KCNU1: variants seen among roughly 807,000 people sequenced by gnomAD.
KCNU1 encodes potassium channel subfamily U member 1.
KCNU1 carries 93 observed loss-of-function variants against 126.8 expected under a neutral mutation model. The observed-to-expected ratio is 0.73, with a 90% CI of 0.62 to 0.87. The LOEUF (loss-of-function observed/expected upper bound fraction) is 0.87, where lower values mean the gene tolerates loss of function less well. Among genes scored for constraint, KCNU1 ranks in the 40% least tolerant of loss-of-function variants. KCNU1 has a pLI of 0.00. For missense variants in KCNU1, 1,330 were observed against 1,367.1 expected (o/e 0.97, Z 0.43); for synonymous variants, 523 against 494.2 (o/e 1.06, Z -0.77).
At position 36,845,661 on chromosome 8, in the gene KCNU1, C is replaced by T. The variant is rs1176609002; in HGVS notation, c.1785C>T (p.Asp595=). The T allele has an allele frequency of 1.8e-5, 28 of 1,598,644 alleles. No homozygotes were observed. The highest frequency in any genetic ancestry group is 1.0e-4 in the Admixed American group (6 of 59,962). The part of the protein sequence containing the change: ...LGFFIAETPK[D]VRRALFYCSV... ...TCTTTATTGCTGAAACTCCAAAGGA[C>T]GTCAGAAGGTAATTTTATTATTTTA... The change falls in exon 17 of 27, where the codon GAC becomes GAT. Residue 595 remains aspartate (D), a synonymous_variant. Transcript: ENST00000399881.
intron 19 of KCNU1, among the ~76,000 whole-genome samples, chr8:36,896,967 A>G (rs1442181322): frequency 6.6e-6 from 1 of 152,054 alleles, no homozygotes; most frequent in Non-Finnish European, 1.5e-5. Context: ...ACAATTTTTC[A>G]TCTTCCATTT....
At chr8:36,820,949 A>G (rs889122682) in intron 10 of KCNU1, among the ~76,000 whole-genome samples, 2 of 152,332 alleles carry the variant, frequency 1.3e-5, no homozygotes, top group South Asian at 2.1e-4. Context: ...GCAAGGAATC[A>G]TGGATCTGAC....
chr8:36,799,510 G>C lies in KCNU1; in HGVS notation c.316-4517G>C, dbSNP rs187668407. Among the ~76,000 whole-genome samples the C allele has an allele frequency of 4.0e-3, 600 of 150,108 alleles. 6 individuals carry two copies. Among genetic ancestry groups the C allele is most frequent in the African/African-American group, 0.014 (566 of 40,986 alleles). On this transcript the variant is annotated intron_variant, in intron 2 of 26. Transcript: ENST00000399881. ...TTATCCTTTTAGAATGCCCATTATAGTTGTTTCCCTTGCATTTAACCTCCC... is the reference window on the plus strand; with the variant it reads ...TTATCCTTTTAGAATGCCCATTATACTTGTTTCCCTTGCATTTAACCTCCC...
chr8:36,884,118 CTT>C (rs1489720920), intron 19 of KCNU1, among the ~76,000 whole-genome samples: 3 of 152,096 alleles, frequency 2.0e-5, no homozygotes, highest in African/African-American at 7.2e-5. Flanking sequence ...CATAAAATAA[CTT>C]AATCATTTTC....
chr8:36,919,428 C>A (rs373344963), intron 23 of KCNU1, among the ~76,000 whole-genome samples: 443 of 109,172 alleles, frequency 4.1e-3, no homozygotes, highest in Non-Finnish European at 4.1e-3. Context: ...CTAAAATAGG[C>A]AAAAAAAAAA....
chr8:36,931,859 T>A (rs1267269941), intron 25 of KCNU1, among the ~76,000 whole-genome samples: 1 of 152,076 alleles, frequency 6.6e-6, no homozygotes, highest in East Asian at 1.9e-4. Flanking sequence ...CAGCAAGGGA[T>A]AAGATAATAA....
chr8:36,852,087 G>C (rs777128863), intron 18 of KCNU1, among the ~76,000 whole-genome samples: 3 of 152,034 alleles, frequency 2.0e-5, no homozygotes, highest in Non-Finnish European at 4.4e-5. Flanking sequence ...TCTCATGAAT[G>C]GCTTTGATGT....
chr8:36,785,475 A>G (rs753572981), intron 1 of KCNU1, among the ~76,000 whole-genome samples: 60 of 152,252 alleles, frequency 3.9e-4, no homozygotes, highest in Non-Finnish European at 7.2e-4. Flanking sequence ...TAAAACCTAC[A>G]TAAAATATAA....
chr8:36,845,231 G>A (rs761561535), intron 16 of KCNU1, among the ~76,000 whole-genome samples: 10 of 151,824 alleles, frequency 6.6e-5, no homozygotes, highest in African/African-American at 2.2e-4. Context: ...GTGTGGTCTC[G>A]GCATATTTGT....
intron 26 of KCNU1, among the ~76,000 whole-genome samples, chr8:36,933,927 G>T (rs1808778144): frequency 1.3e-5 from 2 of 152,100 alleles, no homozygotes; most frequent in African/African-American, 4.8e-5. Flanking sequence ...CAGGAGTTGA[G>T]AAAGGAGTCA....
chr8:36,829,065 C>T (rs991962770), intron 10 of KCNU1, among the ~76,000 whole-genome samples: 4 of 152,004 alleles, frequency 2.6e-5, no homozygotes, highest in Non-Finnish European at 5.9e-5. Context: ...TTTCTCTTTC[C>T]GTGACATACT....
intron 19 of KCNU1, among the ~76,000 whole-genome samples, chr8:36,891,286 A>G (rs1480604644): frequency 6.6e-6 from 1 of 152,012 alleles, no homozygotes; most frequent in Non-Finnish European, 1.5e-5. Flanking sequence ...TATTTTCACT[A>G]GTACATAACT....
chr8:36,814,494 ATG>A, intron 8 of KCNU1, 117 bp downstream of exon 8: 1 of 728,324 alleles, frequency 1.4e-6, no homozygotes, highest in Non-Finnish European at 2.3e-6. Flanking sequence ...CTTGGGGCAC[ATG>A]TCAAGGGCAA....
intron 19 of KCNU1, among the ~76,000 whole-genome samples, chr8:36,899,288 GAA>G (rs33991113): frequency 5.3e-5 from 8 of 149,808 alleles, no homozygotes; most frequent in African/African-American, 2.0e-4. Flanking sequence ...CTAGAAGATA[GAA>G]AAAAAAAATG....
intron 19 of KCNU1, among the ~76,000 whole-genome samples, chr8:36,905,164 G>A (rs1285513212): frequency 1.3e-5 from 2 of 152,120 alleles, no homozygotes; most frequent in African/African-American, 4.8e-5. Flanking sequence ...ATCAAGATCA[G>A]AGCAAAGTCT....
At chr8:36,788,796 A>G (rs1802800948) in intron 2 of KCNU1, among the ~76,000 whole-genome samples, 3 of 152,190 alleles carry the variant, frequency 2.0e-5, no homozygotes, top group South Asian at 2.1e-4. Context: ...TTTGTTGGTT[A>G]GGATCTCTTC....
intron 19 of KCNU1, among the ~76,000 whole-genome samples, chr8:36,876,625 G>C (rs1806286825): frequency 6.6e-6 from 1 of 152,118 alleles, no homozygotes; most frequent in Admixed American, 6.6e-5. Context: ...CTCCAGATCT[G>C]TGGCGCTGCC....
In KCNU1 at chr8:36,881,796, T is replaced by TCACACACACACA. The variant is rs10522369; in HGVS notation, c.2009+17312_2009+17323dup. ...CATGGTGTTGCTGGGAAAAGTCAAA[T>TCACACACACACA]CACACACACACACACACACACACAC... is the stretch of plus-strand genomic sequence containing the variant. On this transcript the variant is annotated intron_variant, in intron 19 of 26. Coordinates refer to ENST00000399881, the MANE Select transcript of KCNU1 (RefSeq NM_001031836.3). 4.0e-4 allele frequency among the ~76,000 whole-genome samples: 55 copies of TCACACACACACA among 138,928 alleles called. 1 individual carries two copies. The highest frequency in any genetic ancestry group is 1.3e-3 in the African/African-American group (46 of 36,508). The allele number at this position is 138,928 out of a possible 152,430, so 91.1% of individuals were successfully genotyped here.
intron 19 of KCNU1, among the ~76,000 whole-genome samples, chr8:36,887,283 C>CT (rs35389196): frequency 6.6e-6 from 1 of 152,064 alleles, no homozygotes; most frequent in Non-Finnish European, 1.5e-5. Context: ...GAAGCATTCC[C>CT]TTTTTGCCAC....
Sources: allele counts gnomAD v4.1 joint callset (sites outside exome capture counted in the v4.1 genomes callset), GRCh38; gene constraint gnomAD v4.1.1; transcripts MANE v1.5; gene names NCBI Gene and HGNC (gene_info 2026-07-23, HGNC 2026-07-21).